SYNDIG1: variants seen among roughly 807,000 people sequenced by gnomAD.
SYNDIG1 encodes the protein synapse differentiation-inducing gene protein 1.
SYNDIG1 carries 9 observed loss-of-function variants against 19.4 expected under a neutral mutation model. The ratio of observed to expected loss-of-function variants is 0.46; its 90% CI spans 0.28 to 0.81. The LOEUF is 0.81. Ranked by LOEUF, SYNDIG1 falls within the 30% of genes least tolerant of loss-of-function variation. SYNDIG1 has a pLI of 0.12. For missense variants in SYNDIG1, 311 were observed against 343.3 expected (o/e 0.91, Z 0.74); for synonymous variants, 141 against 145.9 (o/e 0.97, Z 0.24).
chr20:24,480,013 G>A (rs117058289), intron 1 of SYNDIG1, among the ~76,000 whole-genome samples: 2,382 of 152,210 alleles, frequency 0.016, 44 homozygotes, highest in Admixed American at 0.054. Context: ...GTGCACGCGC[G>A]CACGCACACA....
At chr20:24,653,037 C>T (rs1051912205) in intron 3 of SYNDIG1, among the ~76,000 whole-genome samples, 2 of 152,112 alleles carry the variant, frequency 1.3e-5, no homozygotes, top group African/African-American at 2.4e-5. Context: ...CTCTGGACCC[C>T]GCCTAAGCTG....
chr20:24,592,664 A>G (rs368145874), intron 3 of SYNDIG1, among the ~76,000 whole-genome samples: 2 of 152,190 alleles, frequency 1.3e-5, no homozygotes, highest in Admixed American at 6.5e-5. Flanking sequence ...CCCAGGCTTG[A>G]GTGCAGCGGC....
chr20:24,552,804 T>C (rs1219137140), intron 2 of SYNDIG1, among the ~76,000 whole-genome samples: 1 of 152,236 alleles, frequency 6.6e-6, no homozygotes, highest in African/African-American at 2.4e-5. Context: ...GCATGACTTA[T>C]AATCCTTTGG....
rs112173686 is a variant in SYNDIG1 at position 24,645,416 on chromosome 20, G to A, written c.619-19930G>A. 6.5e-3 allele frequency among the ~76,000 whole-genome samples: 988 copies of A among 152,352 alleles called. 9 individuals carry two copies. The highest frequency in any genetic ancestry group is 0.022 in the African/African-American group (934 of 41,584). On this transcript the variant is annotated intron_variant, in intron 3 of 3. Coordinates refer to ENST00000376862, the MANE Select transcript of SYNDIG1 (RefSeq NM_024893.3). Reference sequence around the variant, plus strand: ...TTCCAACCATTAGACGAGAGCCCACGCTGCCGGATAGGATGCTGATGGCTG... The same window carrying A: ...TTCCAACCATTAGACGAGAGCCCACACTGCCGGATAGGATGCTGATGGCTG...
intron 2 of SYNDIG1, among the ~76,000 whole-genome samples, chr20:24,562,482 A>G (rs900846467): frequency 2.0e-5 from 3 of 152,232 alleles, no homozygotes; most frequent in African/African-American, 7.2e-5. Flanking sequence ...ATGTTTCTCA[A>G]AAAATAAAAA....
At chr20:24,512,828 C>T (rs2056778209) in intron 1 of SYNDIG1, among the ~76,000 whole-genome samples, 1 of 152,208 alleles carries the variant, frequency 6.6e-6, no homozygotes, top group Admixed American at 6.5e-5. Flanking sequence ...AGACTGCCTC[C>T]TCAAGTGGGC....
At chr20:24,544,494 C>T (rs768770972) in intron 2 of SYNDIG1, among the ~76,000 whole-genome samples, 9 of 152,058 alleles carry the variant, frequency 5.9e-5, no homozygotes, top group South Asian at 4.2e-4. Context: ...CTAAGGTAGG[C>T]GAGAACATTT....
intron 1 of SYNDIG1, among the ~76,000 whole-genome samples, chr20:24,494,071 A>T (rs1163528949): frequency 6.6e-6 from 1 of 151,848 alleles, no homozygotes; most frequent in Non-Finnish European, 1.5e-5. Flanking sequence ...GGGTATGGGG[A>T]GGGAGGATCT....
chr20:24,556,060 T>C (rs2057808682), intron 2 of SYNDIG1, among the ~76,000 whole-genome samples: 1 of 152,206 alleles, frequency 6.6e-6, no homozygotes, highest in Non-Finnish European at 1.5e-5. Flanking sequence ...CGTTACGTAA[T>C]GGCCTTCTTT....
At chr20:24,561,075 C>T (rs1056027821) in intron 2 of SYNDIG1, among the ~76,000 whole-genome samples, 1 of 151,516 alleles carries the variant, frequency 6.6e-6, no homozygotes, top group African/African-American at 2.4e-5. Flanking sequence ...GCTTAGAGGT[C>T]AGTCAGTTAA....
intron 1 of SYNDIG1, among the ~76,000 whole-genome samples, chr20:24,489,365 G>A (rs1218201912): frequency 6.7e-6 from 1 of 148,646 alleles, no homozygotes; most frequent in Non-Finnish European, 1.5e-5. Flanking sequence ...ATACATGCAT[G>A]CACACACAGA....
intron 1 of SYNDIG1, among the ~76,000 whole-genome samples, chr20:24,500,414 G>C (rs1031406576): frequency 1.3e-5 from 2 of 152,046 alleles, no homozygotes; most frequent in Non-Finnish European, 2.9e-5. Context: ...GGGCTGTTCA[G>C]GCATTTCAGT....
intron 1 of SYNDIG1, among the ~76,000 whole-genome samples, chr20:24,521,960 C>T (rs893396923): frequency 2.6e-5 from 4 of 152,026 alleles, no homozygotes; most frequent in African/African-American, 9.7e-5. Flanking sequence ...AAACCTTTCC[C>T]CTTGGCCCCT....
At chr20:24,588,160 G>A (rs1281343699) in intron 3 of SYNDIG1, among the ~76,000 whole-genome samples, 6 of 152,074 alleles carry the variant, frequency 3.9e-5, no homozygotes, top group South Asian at 2.1e-4. Flanking sequence ...CAGGGTGTGC[G>A]GTTAGCTGAG....
chr20:24,522,036 T>G (rs552676205), intron 1 of SYNDIG1, among the ~76,000 whole-genome samples: 24 of 152,252 alleles, frequency 1.6e-4, no homozygotes, highest in African/African-American at 5.3e-4. Context: ...CTCTTTTGAC[T>G]GTTATTGCCA....
intron 2 of SYNDIG1, among the ~76,000 whole-genome samples, chr20:24,548,903 T>G (rs187727495): frequency 1.3e-5 from 2 of 152,222 alleles, no homozygotes; most frequent in Admixed American, 6.5e-5. Context: ...TTGAAGAGGT[T>G]TTTTATTTTA....
At chr20:24,501,733 A>G (rs995516376) in intron 1 of SYNDIG1, among the ~76,000 whole-genome samples, 2 of 152,194 alleles carry the variant, frequency 1.3e-5, no homozygotes, top group Non-Finnish European at 2.9e-5. Flanking sequence ...TGCTTCCGAT[A>G]TTATTCATCT....
chr20:24,482,504 G>A (rs904143653), intron 1 of SYNDIG1, among the ~76,000 whole-genome samples: 3 of 152,220 alleles, frequency 2.0e-5, no homozygotes, highest in African/African-American at 7.2e-5. Context: ...TCACTGGGGA[G>A]GTTGAATCTC....
chr20:24,491,637 T>C (rs1600419996), intron 1 of SYNDIG1: 1 of 152,220 alleles, frequency 6.6e-6, no homozygotes. Flanking sequence ...GGCTTCCAGG[T>C]GCAGACCCAA....
Sources: gnomAD v4.1 joint callset for allele counts (sites outside exome capture counted in the v4.1 genomes callset) on GRCh38, gnomAD v4.1.1 for gene constraint, MANE v1.5 for transcripts, NCBI Gene and HGNC (gene_info 2026-07-23, HGNC 2026-07-21) for gene names.